The following CNTLN variants were observed in gnomAD, a reference collection of about 807,000 sequenced individuals.
CNTLN encodes the protein centlein, also known as centlein, centrosomal protein.
In CNTLN, 212 loss-of-function variants were observed where a neutral mutation model predicts 180.0. The ratio of observed to expected loss-of-function variants is 1.18; its 90% CI spans 1.05 to 1.32. The LOEUF is 1.32. Among genes scored for constraint, CNTLN ranks in the 40% most tolerant of loss-of-function variants. The probability of loss-of-function intolerance (pLI) is 0.00; values close to 1 mark genes in which losing one functional copy is unlikely to be tolerated. For missense variants in CNTLN, 2,095 were observed against 1,610.9 expected, an observed-to-expected ratio of 1.30 and a Z score of -5.14; for synonymous variants, 722 against 563.1, an observed-to-expected ratio of 1.28 and a Z score of -3.99.
At position 17,251,435 on chromosome 9, in the gene CNTLN, T is replaced by C. The variant is rs1000607573; in HGVS notation, c.849+14847T>C. Among the ~76,000 whole-genome samples the C allele has an allele frequency of 4.6e-5, 7 of 151,906 alleles. No individual in the cohort carries two copies. The East Asian group carries it at 1.4e-3, about 29-fold the overall frequency. On this transcript the variant is annotated intron_variant, in intron 5 of 25. Transcript: ENST00000380647. ...CCCACTGATCACTTTTTTTCTTTTT[T>C]CTCTCTTTATGCTCTTTAGACTCAA...
At chr9:17,346,555 C>T (rs992570852) in intron 12 of CNTLN, among the ~76,000 whole-genome samples, 2 of 152,180 alleles carry the variant, frequency 1.3e-5, no homozygotes, top group Non-Finnish European at 2.9e-5. Flanking sequence ...TTTGCTACTT[C>T]CTTTTGGCCT....
chr9:17,257,080 C>T (rs1221921101), intron 5 of CNTLN, among the ~76,000 whole-genome samples: 2 of 151,952 alleles, frequency 1.3e-5, no homozygotes, highest in African/African-American at 4.8e-5. Flanking sequence ...CACCCACTAA[C>T]TCGTCATCTA....
At chr9:17,285,531 G>T (rs184215432) in intron 6 of CNTLN, among the ~76,000 whole-genome samples, 2,503 of 136,238 alleles carry the variant, frequency 0.018, 326 homozygotes, top group African/African-American at 0.074. Context: ...GTAATGGGAT[G>T]GCTGGGTCAA....
intron 13 of CNTLN, among the ~76,000 whole-genome samples, chr9:17,368,114 A>G (rs1243214093): frequency 2.7e-5 from 4 of 150,612 alleles, no homozygotes; most frequent in Admixed American, 6.6e-5. Flanking sequence ...AGGGAAACCC[A>G]TTGCACTGAA....
intron 24 of CNTLN, among the ~76,000 whole-genome samples, 163 bp from the exon 25 acceptor site, chr9:17,486,826 A>G (rs747561913): frequency 4.6e-5 from 7 of 152,188 alleles, no homozygotes; most frequent in South Asian, 4.1e-4. Flanking sequence ...GATAAATTAA[A>G]TTTTAAAGAG....
At chr9:17,214,460 C>A (rs1238862293) in intron 2 of CNTLN, among the ~76,000 whole-genome samples, 1 of 152,128 alleles carries the variant, frequency 6.6e-6, no homozygotes, top group Non-Finnish European at 1.5e-5. Context: ...GTGGGTAACC[C>A]GACCTTTCTC....
rs895093986 is a variant in CNTLN, at chr9:17,491,342, G to C, written c.4119+4276G>C. Reference sequence around the variant, plus strand: ...TACTGTAATAGAATTTACACTTCTGGGGACGGAGGACAATAAATAGTTAAA... The same window carrying C: ...TACTGTAATAGAATTTACACTTCTGCGGACGGAGGACAATAAATAGTTAAA... On this transcript the variant is annotated intron_variant, in intron 25 of 25. Coordinates refer to ENST00000380647, the MANE Select transcript of CNTLN (RefSeq NM_017738.4). Among the ~76,000 whole-genome samples the C allele has an allele frequency of 3.9e-5, 6 of 152,090 alleles. No individual in the cohort carries two copies. In the South Asian group the frequency reaches 1.2e-3, roughly 32 times the overall value.
At chr9:17,236,766 G>C (rs905148691) in intron 5 of CNTLN, among the ~76,000 whole-genome samples, 178 bp downstream of exon 5, 25 of 152,074 alleles carry the variant, frequency 1.6e-4, no homozygotes, top group African/African-American at 6.0e-4. Context: ...TTGCAAAGCA[G>C]GAAACTGACT....
chr9:17,183,757 G>A (rs991879739), intron 2 of CNTLN, among the ~76,000 whole-genome samples: 3 of 152,016 alleles, frequency 2.0e-5, no homozygotes, highest in Non-Finnish European at 4.4e-5. Context: ...TAGTTGGGAA[G>A]TATACTAAAC....
Position 17,404,501 on chromosome 9 carries a change from A to C in CNTLN, c.2616-4792A>C, listed in dbSNP as rs928491306. On this transcript the variant is annotated intron_variant, in intron 15 of 25. Coordinates refer to ENST00000380647, the MANE Select transcript of CNTLN (RefSeq NM_017738.4). ...GTACCCTGGCCATTTTGGATTCCCT[A>C]TACTGAGCTAAAAAGCGTCAAAAGG... Among the ~76,000 whole-genome samples the C allele has an allele frequency of 9.9e-5, 15 of 151,764 alleles. No homozygotes were observed. In the East Asian group the frequency reaches 2.9e-3, roughly 29 times the overall value.
At chr9:17,279,053 GAAC>G (rs138216204) in intron 6 of CNTLN, among the ~76,000 whole-genome samples, 34,525 of 151,444 alleles carry the variant, frequency 0.23, 4,125 homozygotes, top group South Asian at 0.36. Context: ...CTAAAACTAA[GAAC>G]AAACTGATAC....
At chr9:17,146,384 T>G (rs557065712) in intron 2 of CNTLN, among the ~76,000 whole-genome samples, 1 of 152,286 alleles carries the variant, frequency 6.6e-6, no homozygotes, top group African/African-American at 2.4e-5. Context: ...TTCTTCTGTT[T>G]GCTCTATGCT....
intron 8 of CNTLN, among the ~76,000 whole-genome samples, chr9:17,324,633 T>C (rs894398131): frequency 2.0e-5 from 3 of 152,172 alleles, no homozygotes; most frequent in African/African-American, 7.2e-5. Context: ...TGTCATTTAC[T>C]GGATGTATGT....
At chr9:17,329,281 C>G (rs942988554) in intron 8 of CNTLN, among the ~76,000 whole-genome samples, 2 of 151,566 alleles carry the variant, frequency 1.3e-5, no homozygotes, top group African/African-American at 2.4e-5. Context: ...GCTTGGCAGC[C>G]CAACCAAAGG....
At chr9:17,357,620 A>G (rs1413275926) in intron 12 of CNTLN, among the ~76,000 whole-genome samples, 1 of 50,694 alleles carries the variant, frequency 2.0e-5, no homozygotes. Context: ...TATAAATACT[A>G]CATATATATA....
rs113148833 is a variant in CNTLN at position 17,295,969 on chromosome 9, T to TGAGAGAGAGA, written c.984-2201_984-2192dup. On this transcript the variant is annotated intron_variant, in intron 6 of 25. Transcript: ENST00000380647. ...GTATGAGCATCTCCCTACTCTTCAGTGAGAGAGAGAGAGAGAGAGAGAGAG... is the reference window on the plus strand; with the variant it reads ...GTATGAGCATCTCCCTACTCTTCAGTGAGAGAGAGAGAGAGAGAGAGAGAGAGAGAGAGAG... Among the ~76,000 whole-genome samples, 77 of 119,822 alleles carry TGAGAGAGAGA rather than the reference T, an allele frequency of 6.4e-4. 1 individual carries two copies. The highest frequency in any genetic ancestry group is 2.4e-3 in the African/African-American group (74 of 30,586). The allele number at this position is 119,822 out of a possible 152,430, so 78.6% of individuals were successfully genotyped here. A position where few individuals can be genotyped will look rare whatever the true frequency, so the allele number is the denominator to read the frequency against.
chr9:17,175,627 T>C (rs1254306128), intron 2 of CNTLN, among the ~76,000 whole-genome samples: 2 of 152,152 alleles, frequency 1.3e-5, no homozygotes, highest in Admixed American at 6.5e-5. Context: ...GATATTTCAG[T>C]CCTGTGCTTT....
chr9:17,140,510 G>A (rs1245530965), intron 1 of CNTLN, among the ~76,000 whole-genome samples: 1 of 152,108 alleles, frequency 6.6e-6, no homozygotes, highest in Non-Finnish European at 1.5e-5. Flanking sequence ...TCATGATCAT[G>A]GCTCATTCTA....
At chr9:17,246,185 G>T (rs779703768) in intron 5 of CNTLN, among the ~76,000 whole-genome samples, 4 of 152,082 alleles carry the variant, frequency 2.6e-5, no homozygotes, top group African/African-American at 7.2e-5. Context: ...TCTCAGGAGG[G>T]CTTTCCTAGT....
Sources: allele counts gnomAD v4.1 joint callset (sites outside exome capture counted in the v4.1 genomes callset), GRCh38; gene constraint gnomAD v4.1.1; transcripts MANE v1.5; gene names NCBI Gene and HGNC (gene_info 2026-07-23, HGNC 2026-07-21).